Variants in SMCO1 observed in about 807,000 individuals in gnomAD.
SMCO1 encodes the protein single-pass membrane and coiled-coil domain-containing protein 1.
In SMCO1, 9 loss-of-function variants were observed where a neutral mutation model predicts 7.5. The observed-to-expected ratio is 1.20, with a 90% CI of 0.72 to 2.09. SMCO1 has a LOEUF of 2.09. Ranked by LOEUF, SMCO1 falls within the 30% of genes most tolerant of loss-of-function variation. SMCO1 has a pLI of 0.00. For missense variants in SMCO1, 219 were observed against 253.1 expected (o/e 0.87, Z 0.91); for synonymous variants, 90 against 93.8 (o/e 0.96, Z 0.23).
rs780006893 is a variant in SMCO1, at chr3:196,508,187, G to A, written c.345C>T (p.Asn115=). ...LASVLRRKVK[N]KRVRVVWESI... is the part of the protein sequence containing the mutation. Reference sequence around the variant, plus strand: ...ACTCCCATACAACTCTAACGCGCTTGTTCTTAACTTTTCTTCTGAGTACAG... The same window carrying A: ...ACTCCCATACAACTCTAACGCGCTTATTCTTAACTTTTCTTCTGAGTACAG... Residue 115 remains asparagine (N), a synonymous_variant, in exon 3 of 3, where the codon AAC becomes AAT. Transcript: ENST00000397537. The A allele has an allele frequency of 2.6e-5, 42 of 1,614,026 alleles. No homozygotes were observed. In the Admixed American group the frequency reaches 6.8e-4, roughly 26 times the overall value.
At chr3:196,520,261 C>T (rs1056649352), upstream of SMCO1, among the ~76,000 whole-genome samples, 1 of 152,106 alleles carries the variant, frequency 6.6e-6, no homozygotes, top group Admixed American at 6.6e-5. Context: ...TCTGAGGTCC[C>T]CTATGTACAG....
chr3:196,516,045 TTATAC>T (rs1733382359), upstream of SMCO1, among the ~76,000 whole-genome samples: 2 of 72,772 alleles, frequency 2.7e-5, no homozygotes, highest in East Asian at 2.9e-4. Flanking sequence ...ATATATAAAA[TTATAC>T]ATATAATTAT....
chr3:196,510,144 ATAT>A (rs1733180746), intron 1 of SMCO1, among the ~76,000 whole-genome samples: 1 of 152,020 alleles, frequency 6.6e-6, no homozygotes, highest in Non-Finnish European at 1.5e-5. Flanking sequence ...TTTTTAAAAA[ATAT>A]TTTTTGTAGA....
the SMCO1 span, among the ~76,000 whole-genome samples, chr3:196,520,393 C>T: frequency 6.6e-6 from 1 of 152,088 alleles, no homozygotes; most frequent in African/African-American, 2.4e-5. Flanking sequence ...AAGCAGATTC[C>T]AGAGGAGCAA....
Position 196,509,515 on chromosome 3 carries a change from C to G in SMCO1, c.200+5G>C, listed in dbSNP as rs1011340659. The G allele has an allele frequency of 1.4e-5, 23 of 1,605,656 alleles. No homozygotes were observed. Among genetic ancestry groups the G allele is most frequent in the Non-Finnish European group, 1.9e-5 (22 of 1,174,418 alleles). On this transcript the variant is annotated splice_donor_5th_base_variant and intron_variant, in intron 2 of 2. Coordinates refer to ENST00000397537, the MANE Select transcript of SMCO1 (RefSeq NM_001077657.3). ...AATCCCACTGATTTCTCAATTGATACTCACTGGAGTGCCCGAACTGCTGTC... is the reference window on the plus strand; with the variant it reads ...AATCCCACTGATTTCTCAATTGATAGTCACTGGAGTGCCCGAACTGCTGTC...
chr3:196,508,363 TC>T, intron 2 of SMCO1, 32 bp from the exon 3 acceptor site: 1 of 1,534,108 alleles, frequency 6.5e-7, no homozygotes, highest in Non-Finnish European at 8.8e-7. Flanking sequence ...TCTTAAGCGG[TC>T]AAAAATATTT....
chr3:196,513,855 G>A (rs930073550), intron 1 of SMCO1, among the ~76,000 whole-genome samples: 1 of 152,116 alleles, frequency 6.6e-6, no homozygotes, highest in Admixed American at 6.5e-5. Flanking sequence ...AAATCTCAGC[G>A]CAGGCTGTTT....
chr3:196,509,780 C>A, intron 1 of SMCO1, 111 bp from the exon 2 acceptor site: 1 of 718,712 alleles, frequency 1.4e-6, no homozygotes. Context: ...ATTTGGATAA[C>A]TTTTTTTTTT....
At chr3:196,517,184 C>T (rs1227263088), upstream of SMCO1, among the ~76,000 whole-genome samples, 3 of 143,418 alleles carry the variant, frequency 2.1e-5, no homozygotes, top group East Asian at 2.1e-4. Context: ...ATTTGGTCTT[C>T]GTCCCCATTT....
At chr3:196,514,142 T>C (rs1056731651) in intron 1 of SMCO1, among the ~76,000 whole-genome samples, 3 of 152,188 alleles carry the variant, frequency 2.0e-5, no homozygotes, top group African/African-American at 7.2e-5. Context: ...GTGACTCAAC[T>C]GATTACAAAT....
intron 1 of SMCO1, among the ~76,000 whole-genome samples, chr3:196,513,896 G>A (rs1352636308): frequency 1.3e-5 from 2 of 152,138 alleles, no homozygotes; most frequent in African/African-American, 4.8e-5. Context: ...CCCTAGTTTC[G>A]TTAATGACCT....
At chr3:196,508,584 TC>T (rs1286751201) in intron 2 of SMCO1, among the ~76,000 whole-genome samples, 2 of 150,444 alleles carry the variant, frequency 1.3e-5, no homozygotes, top group African/African-American at 4.9e-5. Context: ...CGCCTCGGCT[TC>T]CCAGAGTGCT....
chr3:196,507,162 G>T lies in SMCO1; in HGVS notation c.*725C>A, dbSNP rs1048011104. 4 of 152,258 alleles carry T rather than the reference G, an allele frequency of 2.6e-5. No homozygotes were observed. Among genetic ancestry groups the T allele is most frequent in the Non-Finnish European group, 5.9e-5 (4 of 68,078 alleles). 9.4% of individuals were successfully genotyped at this position (152,258 alleles called of 1,614,324 possible). A position where few individuals can be genotyped will look rare whatever the true frequency, so the allele number is the denominator to read the frequency against. On this transcript the variant is annotated 3_prime_UTR_variant, in exon 3 of 3. Transcript: ENST00000397537. ...TGCCAGACGAGAATGGGAGCTCTCAGTCTGGCTCATGGATTTATCCAGAAC... is the reference window on the plus strand; with the variant it reads ...TGCCAGACGAGAATGGGAGCTCTCATTCTGGCTCATGGATTTATCCAGAAC...
chr3:196,511,797 C>T (rs370416315), intron 1 of SMCO1, among the ~76,000 whole-genome samples: 2 of 129,566 alleles, frequency 1.5e-5, no homozygotes, highest in Non-Finnish European at 3.1e-5. Context: ...CCTAGATTGT[C>T]GTTATGAGGG....
chr3:196,511,464 C>G (rs1300685748), intron 1 of SMCO1, among the ~76,000 whole-genome samples: 1 of 70,800 alleles, frequency 1.4e-5, no homozygotes, highest in Non-Finnish European at 2.6e-5. Context: ...CCTAGATTCT[C>G]ATTATGAGGG....
rs1461878006 is a variant in SMCO1 at position 196,507,671 on chromosome 3, A to G, written c.*216T>C. On this transcript the variant is annotated 3_prime_UTR_variant, in exon 3 of 3. Transcript: ENST00000397537. ...TGGAAATAAACATTTGAAAACAACA[A>G]TACATTTGGTGATCACTTCATATCA... is the stretch of plus-strand genomic sequence containing the variant. 4 of 381,436 alleles carry G rather than the reference A, an allele frequency of 1.0e-5. No individual in the cohort carries two copies. The South Asian group carries it at 1.7e-4, about 17-fold the overall frequency. The allele number at this position is 381,436 out of a possible 1,614,324, so 23.6% of individuals were successfully genotyped here. A position where few individuals can be genotyped will look rare whatever the true frequency, so the allele number is the denominator to read the frequency against.
chr3:196,509,360 G>C (rs9865123), intron 2 of SMCO1, among the ~76,000 whole-genome samples, 160 bp downstream of exon 2: 2 of 151,600 alleles, frequency 1.3e-5, no homozygotes, highest in Non-Finnish European at 2.9e-5. Context: ...CACTGTGCCC[G>C]GCCAAATTAA....
chr3:196,515,992 T>TAG (rs1733375563), upstream of SMCO1, among the ~76,000 whole-genome samples: 1 of 34,146 alleles, frequency 2.9e-5, no homozygotes, highest in East Asian at 4.9e-4. Flanking sequence ...GGATAGGATA[T>TAG]ATATATATAT....
chr3:196,513,030 C>T (rs1043216992), intron 1 of SMCO1, among the ~76,000 whole-genome samples: 7 of 152,116 alleles, frequency 4.6e-5, no homozygotes, highest in Non-Finnish European at 7.4e-5. Flanking sequence ...GTCTACAAGT[C>T]AAAACCATGT....
Sources: gnomAD v4.1 joint callset for allele counts (sites outside exome capture counted in the v4.1 genomes callset) on GRCh38, gnomAD v4.1.1 for gene constraint, MANE v1.5 for transcripts, NCBI Gene and HGNC (gene_info 2026-07-23, HGNC 2026-07-21) for gene names.